Variants in VGLL4 observed in about 807,000 individuals in gnomAD.
The protein encoded by VGLL4 is transcription cofactor vestigial-like protein 4.
In VGLL4, 7 loss-of-function variants were observed where a neutral mutation model predicts 21.0. That is an observed-to-expected ratio of 0.33 (90% CI 0.19 to 0.63). VGLL4 has a LOEUF of 0.63. Among genes scored for constraint, VGLL4 ranks in the 20% least tolerant of loss-of-function variants. The pLI, the probability that VGLL4 is intolerant of heterozygous loss-of-function variation, is 0.78. For synonymous variants in VGLL4, 222 were observed against 173.2 expected (o/e 1.28, Z -2.21); for missense variants, 394 against 425.7 (o/e 0.93, Z 0.66).
At chr3:11,681,786 T>C (rs1419812236) in intron 2 of VGLL4, among the ~76,000 whole-genome samples, 1 of 152,166 alleles carries the variant, frequency 6.6e-6, no homozygotes, top group African/African-American at 2.4e-5. Flanking sequence ...AAGGATGGAA[T>C]GCAAAGGAGC....
At chr3:11,661,473 T>TTATTTATC (rs1553740509) in intron 2 of VGLL4, among the ~76,000 whole-genome samples, 6 of 71,178 alleles carry the variant, frequency 8.4e-5, no homozygotes, top group African/African-American at 2.5e-4. Flanking sequence ...ATCTATTTAT[T>TTATTTATC]TATTTATTTA....
At chr3:11,692,496 T>C (rs930414230) in intron 2 of VGLL4, among the ~76,000 whole-genome samples, 4 of 152,198 alleles carry the variant, frequency 2.6e-5, no homozygotes, top group African/African-American at 9.6e-5. Flanking sequence ...GGGAAGCAAC[T>C]GAAAGCGCCG....
intron 1 of VGLL4, among the ~76,000 whole-genome samples, chr3:11,617,655 C>A (rs1412416940): frequency 6.6e-6 from 1 of 152,214 alleles, no homozygotes; most frequent in East Asian, 1.9e-4. Flanking sequence ...CCGAAACAGG[C>A]CACCCTCAGC....
chr3:11,566,090 G>A (rs149548198), intron 2 of VGLL4, among the ~76,000 whole-genome samples: 1 of 152,238 alleles, frequency 6.6e-6, no homozygotes, highest in African/African-American at 2.4e-5. Flanking sequence ...AAAAGCCTAG[G>A]CCTGCCCTGG....
rs751418145 is a variant in VGLL4, at chr3:11,565,009, C to A, written c.283G>T (p.Ala95Ser). Reference sequence around the variant, plus strand: ...GGGTCTCTGCGGCAGTCTCCATTGGCAGTCTTGTTCCTGAAAAAGAGGAAT... The same window carrying A: ...GGGTCTCTGCGGCAGTCTCCATTGGAAGTCTTGTTCCTGAAAAAGAGGAAT... ...RIFNPHLNKT[A>S]NGDCRRDPRE... Residue 95 changes from alanine to serine, a missense_variant, in exon 3 of 5, where the codon GCC (alanine) becomes TCC (serine). Coordinates refer to ENST00000430365, the MANE Select transcript of VGLL4 (RefSeq NM_001128219.3). The surrounding 1 kb of genome is among the most constrained non-coding windows in gnomAD (Gnocchi z 4.1). 3 of 1,487,746 alleles carry A rather than the reference C, an allele frequency of 2.0e-6. No individual in the cohort carries two copies. In the East Asian group the frequency reaches 7.6e-5, roughly 38 times the overall value. 92.2% of individuals were successfully genotyped at this position (1,487,746 alleles called of 1,614,324 possible).
At chr3:11,605,661 C>G (rs942271016) in intron 1 of VGLL4, among the ~76,000 whole-genome samples, 6 of 152,162 alleles carry the variant, frequency 3.9e-5, no homozygotes, top group East Asian at 1.9e-4. Flanking sequence ...ACTTATCACT[C>G]TGGTGCTTCC....
chr3:11,710,207 T>C (rs1023250959), intron 1 of VGLL4, among the ~76,000 whole-genome samples: 5 of 152,152 alleles, frequency 3.3e-5, no homozygotes, highest in Non-Finnish European at 5.9e-5. Context: ...ACCTCCAACA[T>C]TGAGGATCAC....
chr3:11,701,598 C>T (rs1217297830), intron 2 of VGLL4, among the ~76,000 whole-genome samples: 2 of 152,148 alleles, frequency 1.3e-5, no homozygotes, highest in Non-Finnish European at 2.9e-5. Flanking sequence ...ACACGACAGC[C>T]CGTTAATCCT....
intron 2 of VGLL4, among the ~76,000 whole-genome samples, chr3:11,585,942 C>T (rs2074352581): frequency 6.6e-6 from 1 of 152,086 alleles, no homozygotes; most frequent in Non-Finnish European, 1.5e-5. Flanking sequence ...CTGGGTGTTT[C>T]AAAGAGAGGC....
intron 1 of VGLL4, chr3:11,607,453 G>C (rs950636512): frequency 6.6e-6 from 1 of 152,132 alleles, no homozygotes; most frequent in Non-Finnish European, 1.5e-5. Context: ...GACAGTTCAC[G>C]GGTGGCAGGT....
intron 2 of VGLL4, among the ~76,000 whole-genome samples, chr3:11,649,235 GTAC>G (rs1559923178): frequency 1.3e-5 from 2 of 152,290 alleles, no homozygotes; most frequent in South Asian, 2.1e-4. Context: ...CTGTGTGACA[GTAC>G]TACATTTGTT....
At chr3:11,683,004 G>C (rs2076397944) in intron 2 of VGLL4, among the ~76,000 whole-genome samples, 1 of 152,134 alleles carries the variant, frequency 6.6e-6, no homozygotes, top group Admixed American at 6.5e-5. Context: ...GAGGTGGGCA[G>C]ATCACCTGAG....
chr3:11,703,300 T>C (rs2076709730), intron 1 of VGLL4, among the ~76,000 whole-genome samples: 1 of 152,216 alleles, frequency 6.6e-6, no homozygotes, highest in South Asian at 2.1e-4. Context: ...AGAAGGGATA[T>C]TGTGAATATT....
chr3:11,669,329 G>T (rs1212143882), intron 2 of VGLL4, among the ~76,000 whole-genome samples: 1 of 152,116 alleles, frequency 6.6e-6, no homozygotes, highest in Non-Finnish European at 1.5e-5. Flanking sequence ...AGGTTGTGAT[G>T]AGCTGTGACG....
chr3:11,642,943 T>C (rs1282535823), intron 1 of VGLL4, among the ~76,000 whole-genome samples: 1 of 152,016 alleles, frequency 6.6e-6, no homozygotes, highest in Admixed American at 6.5e-5. Flanking sequence ...GAGAGGGACA[T>C]TCTCCGCTGT....
upstream of VGLL4, among the ~76,000 whole-genome samples, chr3:11,644,121 C>T (rs902565040): frequency 6.6e-6 from 1 of 152,062 alleles, no homozygotes; most frequent in South Asian, 2.1e-4. Flanking sequence ...GCAGCCAAGC[C>T]GCTGCAAAAC....
chr3:11,714,273 A>G (rs1288262990), intron 1 of VGLL4, among the ~76,000 whole-genome samples: 1 of 152,176 alleles, frequency 6.6e-6, no homozygotes, highest in East Asian at 1.9e-4. Context: ...TGTCCCATGG[A>G]AAGTGACTAT....
chr3:11,662,807 A>G (rs1274527172), intron 2 of VGLL4, among the ~76,000 whole-genome samples: 1 of 152,222 alleles, frequency 6.6e-6, no homozygotes, highest in Non-Finnish European at 1.5e-5. Flanking sequence ...GCCTGGAGAT[A>G]AGGCAGCCAT....
chr3:11,718,156 G>A (rs1190441250), intron 1 of VGLL4, among the ~76,000 whole-genome samples: 2 of 152,194 alleles, frequency 1.3e-5, no homozygotes, highest in Non-Finnish European at 2.9e-5. Flanking sequence ...AACGGTGGCC[G>A]GGGAAATTAG....
Sources: allele counts gnomAD v4.1 joint callset (sites outside exome capture counted in the v4.1 genomes callset), GRCh38; gene constraint gnomAD v4.1.1; non-coding constraint Gnocchi (gnomAD v3.1); transcripts MANE v1.5; gene names NCBI Gene and HGNC (gene_info 2026-07-23, HGNC 2026-07-21).